COL21A1: variants seen among roughly 807,000 people sequenced by gnomAD.
The protein encoded by COL21A1 is collagen type XXI alpha 1 chain.
A neutral mutation model predicts 137.9 loss-of-function variants in COL21A1; 149 were observed. That is an observed-to-expected ratio of 1.08 (90% confidence interval 0.95 to 1.24). The LOEUF is 1.24. COL21A1 is among the 50% of genes most tolerant of loss of function. COL21A1 has a pLI of 0.00. For synonymous variants in COL21A1, 456 were observed against 391.5 expected (o/e 1.16, Z -1.95); for missense variants, 1,167 against 1,158.4 (o/e 1.01, Z -0.11).
At chr6:56,159,634 CTTTTT>C (rs11449474) in intron 9 of COL21A1, among the ~76,000 whole-genome samples, 1 of 123,576 alleles carries the variant, frequency 8.1e-6, no homozygotes, top group African/African-American at 3.1e-5. Flanking sequence ...CCTGGCCTTA[CTTTTT>C]TTTTTTTTTT....
chr6:56,137,411 C>T (rs1050311521), intron 12 of COL21A1, among the ~76,000 whole-genome samples: 1 of 152,122 alleles, frequency 6.6e-6, no homozygotes, highest in Non-Finnish European at 1.5e-5. Context: ...GCAAAAACAA[C>T]AACAAAAACA....
intron 16 of COL21A1, among the ~76,000 whole-genome samples, chr6:56,107,334 T>C (rs1368762700): frequency 2.0e-5 from 3 of 151,894 alleles, no homozygotes; most frequent in Non-Finnish European, 4.4e-5. Flanking sequence ...GACAAATAAA[T>C]TTCAATATAT....
chr6:56,252,261 T>C (rs1782871510), upstream of COL21A1, among the ~76,000 whole-genome samples: 1 of 152,198 alleles, frequency 6.6e-6, no homozygotes, highest in African/African-American at 2.4e-5. Flanking sequence ...TTTTCCCTTA[T>C]TGCATAACAA....
chr6:56,356,870 A>G (rs1428747372), intron 1 of COL21A1, among the ~76,000 whole-genome samples: 1 of 143,304 alleles, frequency 7.0e-6, no homozygotes, highest in East Asian at 2.0e-4. Context: ...ACAGGAGACA[A>G]TGAAAAAAAT....
intron 16 of COL21A1, among the ~76,000 whole-genome samples, chr6:56,121,580 G>GTA (rs1376867840): frequency 2.6e-4 from 38 of 144,296 alleles, no homozygotes; most frequent in African/African-American, 9.6e-4. Flanking sequence ...ATATGTATAT[G>GTA]TATATATATA....
intron 1 of COL21A1, among the ~76,000 whole-genome samples, chr6:56,301,977 T>G (rs1289655600): frequency 6.6e-6 from 1 of 151,626 alleles, no homozygotes; most frequent in Non-Finnish European, 1.5e-5. Context: ...GAACATGCGG[T>G]GTTTGGTTTT....
chr6:56,121,209 G>C (rs1174964731), intron 16 of COL21A1, among the ~76,000 whole-genome samples: 1 of 152,058 alleles, frequency 6.6e-6, no homozygotes, highest in Admixed American at 6.6e-5. Context: ...ACAGAGGCTG[G>C]GGAGGGTAGC....
intron 23 of COL21A1, among the ~76,000 whole-genome samples, chr6:56,065,943 A>G (rs1055683243): frequency 6.6e-6 from 1 of 151,932 alleles, no homozygotes; most frequent in African/African-American, 2.4e-5. Flanking sequence ...ACCCCTGACA[A>G]GAAATAACTA....
intron 10 of COL21A1, among the ~76,000 whole-genome samples, chr6:56,150,496 C>A (rs967261226): frequency 7.0e-6 from 1 of 143,148 alleles, no homozygotes; most frequent in Non-Finnish European, 1.5e-5. Context: ...CCAGCCTGGG[C>A]GACAGAGCGA....
At chr6:56,324,791 T>C (rs1316870709) in intron 1 of COL21A1, among the ~76,000 whole-genome samples, 5 of 152,000 alleles carry the variant, frequency 3.3e-5, no homozygotes, top group Non-Finnish European at 7.4e-5. Context: ...CTGAAGGTAT[T>C]TGAAAAATAG....
intron 1 of COL21A1, among the ~76,000 whole-genome samples, chr6:56,295,722 C>T (rs9357903): frequency 0.84 from 128,037 of 151,838 alleles, 55,966 homozygotes; most frequent in South Asian, 0.97. Context: ...ATATTTTTAA[C>T]TTTAAATTTC....
intron 1 of COL21A1, among the ~76,000 whole-genome samples, chr6:56,363,929 C>A (rs1273373931): frequency 6.6e-6 from 1 of 152,168 alleles, no homozygotes; most frequent in East Asian, 1.9e-4. Context: ...GATCAATGGG[C>A]AGGTAATTAC....
At chr6:56,124,441 A>G in intron 14 of COL21A1, 149 bp from the exon 15 acceptor site, 1 of 701,600 alleles carries the variant, frequency 1.4e-6, no homozygotes, top group South Asian at 1.9e-5. Context: ...GCAAAGCACT[A>G]TTTTACCAAC....
chr6:56,322,439 G>A (rs1273201390), intron 1 of COL21A1, among the ~76,000 whole-genome samples: 1 of 152,118 alleles, frequency 6.6e-6, no homozygotes, highest in Non-Finnish European at 1.5e-5. Context: ...CCAGGAGAAT[G>A]CAGAAAATGC....
intron 22 of COL21A1, chr6:56,068,789 T>G (rs538085372): frequency 2.0e-5 from 6 of 294,182 alleles, no homozygotes; most frequent in Non-Finnish European, 3.7e-5. Context: ...GGATATTACT[T>G]AATTGTACAT....
At chr6:56,128,997 C>G (rs903656153) in intron 12 of COL21A1, among the ~76,000 whole-genome samples, 1 of 152,144 alleles carries the variant, frequency 6.6e-6, no homozygotes, top group African/African-American at 2.4e-5. Flanking sequence ...CCCTCCTCTC[C>G]CCAGGCTAGA....
chr6:56,304,289 A>G (rs1352321578), intron 1 of COL21A1, among the ~76,000 whole-genome samples: 1 of 151,946 alleles, frequency 6.6e-6, no homozygotes. Context: ...ATTGATTGGA[A>G]TAGTTTCAGA....
chr6:56,122,364 G>A (rs146079478), intron 16 of COL21A1, among the ~76,000 whole-genome samples: 45 of 151,032 alleles, frequency 3.0e-4, no homozygotes, highest in Middle Eastern at 3.4e-3. Flanking sequence ...CCAGGCTGGC[G>A]TGCAGTGGCG....
chr6:56,232,541 C>A (rs1420436519), intron 1 of COL21A1, among the ~76,000 whole-genome samples: 1 of 151,864 alleles, frequency 6.6e-6, no homozygotes, highest in Admixed American at 6.6e-5. Context: ...ATTGTTCACT[C>A]CAAAGTCAGT....
Sources: gnomAD v4.1 joint callset for allele counts (sites outside exome capture counted in the v4.1 genomes callset) on GRCh38, gnomAD v4.1.1 for gene constraint, MANE v1.5 for transcripts, NCBI Gene and HGNC (gene_info 2026-07-23, HGNC 2026-07-21) for gene names.